Variants in PDE4D observed in about 807,000 individuals in gnomAD.
The protein encoded by PDE4D is 3',5'-cyclic-AMP phosphodiesterase 4D.
In PDE4D, 24 loss-of-function variants were observed where a neutral mutation model predicts 87.4. The ratio of observed to expected loss-of-function variants is 0.27; its 90% CI spans 0.20 to 0.39. The LOEUF is 0.39. PDE4D is among the 10% of genes least tolerant of loss of function. PDE4D has a pLI of 1.00. For missense variants in PDE4D, 714 were observed against 1,041.0 expected (o/e 0.69, Z 4.32); for synonymous variants, 384 against 383.2 (o/e 1.00, Z -0.02).
At chr5:60,041,154 C>A (rs1405986778) in intron 2 of PDE4D, among the ~76,000 whole-genome samples, 1 of 152,050 alleles carries the variant, frequency 6.6e-6, no homozygotes, top group Admixed American at 6.5e-5. Flanking sequence ...ATAAATGAAG[C>A]TTTGGATTAT....
intron 1 of PDE4D, among the ~76,000 whole-genome samples, chr5:59,235,413 G>T (rs1435185069): frequency 6.6e-6 from 1 of 152,204 alleles, no homozygotes; most frequent in Non-Finnish European, 1.5e-5. Context: ...TGGGCAATAA[G>T]TGATGGGATT....
chr5:59,103,351 G>C (rs1240110209), intron 5 of PDE4D, among the ~76,000 whole-genome samples: 2 of 152,128 alleles, frequency 1.3e-5, no homozygotes, highest in Admixed American at 1.3e-4. Context: ...GAAGAATTAA[G>C]GGCAATTAGG....
chr5:60,464,826 G>T (rs1747217392), intron 1 of PDE4D, among the ~76,000 whole-genome samples: 3 of 152,318 alleles, frequency 2.0e-5, no homozygotes, highest in Non-Finnish European at 4.4e-5. Flanking sequence ...GCCAGGCCAG[G>T]CATGGCAGCT....
At chr5:60,050,084 C>T (rs1322125281) in intron 2 of PDE4D, among the ~76,000 whole-genome samples, 2 of 152,204 alleles carry the variant, frequency 1.3e-5, no homozygotes, top group African/African-American at 4.8e-5. Context: ...TTTTTTAAGG[C>T]CGTCAGAAAA....
intron 2 of PDE4D, among the ~76,000 whole-genome samples, chr5:60,110,249 A>AGAAAATAT (rs1777535260): frequency 6.6e-6 from 1 of 152,260 alleles, no homozygotes; most frequent in Non-Finnish European, 1.5e-5. Context: ...GTAGAATGGG[A>AGAAAATAT]GAAAATATTT....
intron 1 of PDE4D, among the ~76,000 whole-genome samples, chr5:59,276,357 T>C (rs1331230673): frequency 1.3e-5 from 2 of 152,124 alleles, no homozygotes; most frequent in Non-Finnish European, 2.9e-5. Context: ...CCCCTTGCCA[T>C]TAAGTTGTTT....
intron 1 of PDE4D, among the ~76,000 whole-genome samples, chr5:59,695,968 C>T (rs1293726717): frequency 6.6e-6 from 1 of 151,958 alleles, no homozygotes; most frequent in Non-Finnish European, 1.5e-5. Context: ...TCATTCAACT[C>T]GACATGTGGA....
At chr5:60,266,094 C>T (rs1306710845) in intron 1 of PDE4D, among the ~76,000 whole-genome samples, 2 of 151,906 alleles carry the variant, frequency 1.3e-5, no homozygotes, top group Non-Finnish European at 2.9e-5. Context: ...CTAGATGCAG[C>T]GGGAAGAAGG....
At chr5:59,538,638 T>C (rs1388209630) in intron 1 of PDE4D, among the ~76,000 whole-genome samples, 1 of 152,186 alleles carries the variant, frequency 6.6e-6, no homozygotes, top group Non-Finnish European at 1.5e-5. Flanking sequence ...CTGGTCTCCT[T>C]TCCTTCAGCA....
intron 1 of PDE4D, among the ~76,000 whole-genome samples, chr5:60,317,826 G>A (rs1252142058): frequency 2.8e-4 from 42 of 151,906 alleles, no homozygotes; most frequent in African/African-American, 9.7e-4. Flanking sequence ...CCTGAGTTCT[G>A]ATTTGATTGC....
intron 1 of PDE4D, among the ~76,000 whole-genome samples, chr5:59,444,172 T>C (rs1050458603): frequency 1.3e-5 from 2 of 152,224 alleles, no homozygotes; most frequent in Admixed American, 6.5e-5. Context: ...CTATTCATAC[T>C]TACAGCATAG....
chr5:59,146,879 G>A lies in PDE4D; in HGVS notation c.808+33716C>T, dbSNP rs114064216. Among the ~76,000 whole-genome samples, 210 of 152,250 alleles carry A rather than the reference G, an allele frequency of 1.4e-3. 1 individual carries two copies. Among genetic ancestry groups the A allele is most frequent in the African/African-American group, 4.9e-3 (203 of 41,556 alleles). ...TTTCACATTTCTGGCCCATATAGCAGGGATCCCCAACCTCCAAGCCACAGA... is the reference window on the plus strand; with the variant it reads ...TTTCACATTTCTGGCCCATATAGCAAGGATCCCCAACCTCCAAGCCACAGA... On this transcript the variant is annotated intron_variant, in intron 5 of 14. Transcript: ENST00000340635.
At chr5:60,398,960 A>C (rs1376074180) in intron 1 of PDE4D, among the ~76,000 whole-genome samples, 1 of 152,098 alleles carries the variant, frequency 6.6e-6, no homozygotes, top group Non-Finnish European at 1.5e-5. Flanking sequence ...GCACCCACCT[A>C]TCTTTGAATT....
chr5:59,372,663 T>C (rs1298666402), intron 1 of PDE4D, among the ~76,000 whole-genome samples: 1 of 152,062 alleles, frequency 6.6e-6, no homozygotes, highest in Non-Finnish European at 1.5e-5. Context: ...CAACACCACC[T>C]CCAGTGTGAC....
rs1388156750 is a variant in PDE4D at position 60,047,365 on chromosome 5, C to T, written c.43-58648G>A. ...TGAAGGGTTTTTTGTGTCACTATTT[C>T]CTTCAGTTCTGCTCTGATTTTAGTT... is the stretch of plus-strand genomic sequence containing the variant. On this transcript the variant is annotated intron_variant, in intron 2 of 16. Coordinates refer to the PDE4D transcript ENST00000502484. Among the ~76,000 whole-genome samples, 7 of 152,242 alleles carry T rather than the reference C, an allele frequency of 4.6e-5. No individual in the cohort carries two copies. In the South Asian group the frequency reaches 1.2e-3, roughly 27 times the overall value.
At chr5:60,005,305 G>A (rs1011032092) in intron 2 of PDE4D, among the ~76,000 whole-genome samples, 6 of 152,038 alleles carry the variant, frequency 3.9e-5, no homozygotes, top group African/African-American at 1.2e-4. Context: ...CTGGGACATG[G>A]TAGAAATGGG....
intron 1 of PDE4D, among the ~76,000 whole-genome samples, chr5:60,188,777 G>A (rs959818330): frequency 2.6e-5 from 4 of 152,178 alleles, no homozygotes; most frequent in South Asian, 2.1e-4. Context: ...CAGCAGCAAC[G>A]AATGAAGTAA....
At chr5:60,026,103 C>T (rs1327105541) in intron 2 of PDE4D, among the ~76,000 whole-genome samples, 1 of 152,106 alleles carries the variant, frequency 6.6e-6, no homozygotes, top group Admixed American at 6.6e-5. Context: ...AGAGATATAT[C>T]AGAATGTGAA....
chr5:60,109,715 C>G (rs939417589), intron 2 of PDE4D, among the ~76,000 whole-genome samples: 1 of 152,090 alleles, frequency 6.6e-6, no homozygotes, highest in African/African-American at 2.4e-5. Context: ...TTTGTAGGGA[C>G]AAGGATGAAA....
Sources: gnomAD v4.1 joint callset for allele counts (sites outside exome capture counted in the v4.1 genomes callset) on GRCh38, gnomAD v4.1.1 for gene constraint, MANE v1.5 for transcripts, NCBI Gene and HGNC (gene_info 2026-07-23, HGNC 2026-07-21) for gene names.